Variants in TNIK observed in about 807,000 individuals in gnomAD.
The protein encoded by TNIK is TRAF2 and NCK interacting kinase, also known as TRAF2 and NCK-interacting protein kinase.
Under a neutral mutation model 191.3 loss-of-function variants are expected in TNIK, and 49 were observed. The observed-to-expected ratio is 0.26, with a 90% CI of 0.20 to 0.32. The LOEUF is 0.32. Among genes scored for constraint, TNIK ranks in the 10% least tolerant of loss-of-function variants. The probability of loss-of-function intolerance (pLI) is 1.00; values close to 1 mark genes in which losing one functional copy is unlikely to be tolerated. For missense variants in TNIK, 1,155 were observed against 1,702.3 expected (o/e 0.68, Z 5.66); for synonymous variants, 594 against 600.9 (o/e 0.99, Z 0.17).
At chr3:171,136,305 G>A (rs1186841176) in intron 15 of TNIK, among the ~76,000 whole-genome samples, 1 of 152,186 alleles carries the variant, frequency 6.6e-6, no homozygotes, top group Non-Finnish European at 1.5e-5. Flanking sequence ...AGATGCATGA[G>A]TTCATGCTCT....
At chr3:171,320,769 C>A (rs1026560682) in intron 2 of TNIK, among the ~76,000 whole-genome samples, 5 of 152,202 alleles carry the variant, frequency 3.3e-5, no homozygotes, top group African/African-American at 1.2e-4. Context: ...TCTTAGAAAG[C>A]TTTTGCTGCA....
At position 171,432,205 on chromosome 3, in the gene TNIK, A is replaced by G. The variant is rs544912312; in HGVS notation, c.57+27802T>C. ...AAAGCTGGAGGCAATACAGAACACA[A>G]TCGACTTGTGGAAAATAATACCTAT... is the stretch of plus-strand genomic sequence containing the variant. On this transcript the variant is annotated intron_variant, in intron 1 of 32. Coordinates refer to ENST00000436636, the MANE Select transcript of TNIK (RefSeq NM_015028.4). Among the ~76,000 whole-genome samples, 8 of 152,268 alleles carry G rather than the reference A, an allele frequency of 5.3e-5. 1 individual carries two copies. Among genetic ancestry groups the G allele is most frequent in the East Asian group, 1.9e-4 (1 of 5,182 alleles).
intron 2 of TNIK, among the ~76,000 whole-genome samples, chr3:171,363,925 G>A (rs1715339995): frequency 6.6e-6 from 1 of 152,142 alleles, no homozygotes; most frequent in Admixed American, 6.6e-5. Context: ...ACATCTCAGG[G>A]CAAGATCTTT....
intron 2 of TNIK, among the ~76,000 whole-genome samples, chr3:171,342,164 G>A (rs1359784818): frequency 6.6e-6 from 1 of 152,210 alleles, no homozygotes; most frequent in Admixed American, 6.5e-5. Context: ...TCAAACTTTA[G>A]TGTGCATGGG....
chr3:171,432,820 ACTC>A (rs1311412048), intron 1 of TNIK, among the ~76,000 whole-genome samples: 2 of 152,168 alleles, frequency 1.3e-5, no homozygotes, highest in African/African-American at 4.8e-5. Flanking sequence ...AAAATAAAGA[ACTC>A]AATATAATAG....
intron 1 of TNIK, among the ~76,000 whole-genome samples, chr3:171,457,085 G>C (rs1025214889): frequency 6.6e-6 from 1 of 152,142 alleles, no homozygotes; most frequent in African/African-American, 2.4e-5. Context: ...TCAAGATTTA[G>C]TTTATCTCTG....
At chr3:171,240,857 C>A (rs1045729224) in intron 2 of TNIK, among the ~76,000 whole-genome samples, 2 of 152,074 alleles carry the variant, frequency 1.3e-5, no homozygotes, top group African/African-American at 4.8e-5. Flanking sequence ...ATTTCCTGCT[C>A]TAGGAGGGAA....
chr3:171,176,317 T>C (rs528289095), intron 8 of TNIK, among the ~76,000 whole-genome samples: 1 of 152,198 alleles, frequency 6.6e-6, no homozygotes, highest in Non-Finnish European at 1.5e-5. Context: ...AATTCTAGAC[T>C]GGGAAGTAAG....
chr3:171,376,416 CCT>C (rs1421746066), intron 1 of TNIK, among the ~76,000 whole-genome samples: 2 of 151,998 alleles, frequency 1.3e-5, no homozygotes, highest in Non-Finnish European at 2.9e-5. Context: ...TTATTTAATC[CCT>C]GACTGCTACC....
intron 1 of TNIK, among the ~76,000 whole-genome samples, chr3:171,452,729 AACACACACACAC>A (rs10602125): frequency 0.011 from 1,514 of 142,604 alleles, 17 homozygotes; most frequent in South Asian, 0.028. Flanking sequence ...ACACACTCCA[AACACACACACAC>A]ACACACACAC....
chr3:171,151,356 C>G (rs1021507802), intron 12 of TNIK, among the ~76,000 whole-genome samples: 3 of 152,190 alleles, frequency 2.0e-5, no homozygotes, highest in African/African-American at 7.2e-5. Flanking sequence ...TACCTATTTA[C>G]ATTTATTTTA....
intron 2 of TNIK, among the ~76,000 whole-genome samples, chr3:171,318,184 T>C (rs1350097492): frequency 6.6e-6 from 1 of 152,156 alleles, no homozygotes; most frequent in Non-Finnish European, 1.5e-5. Context: ...GGCCTATAGA[T>C]TGAAATGTCT....
chr3:171,448,641 G>A (rs944740898), intron 1 of TNIK, among the ~76,000 whole-genome samples: 3 of 148,816 alleles, frequency 2.0e-5, no homozygotes, highest in Non-Finnish European at 4.4e-5. Context: ...GAAATTCCTG[G>A]GTCACATGGT....
In TNIK at chr3:171,244,104, G is replaced by T. The variant is rs57909552; in HGVS notation, c.124-15883C>A. 7.7e-3 allele frequency among the ~76,000 whole-genome samples: 1,092 copies of T among 142,700 alleles called. 10 individuals are homozygous for T. The highest frequency in any genetic ancestry group is 0.027 in the African/African-American group (1,054 of 38,626). The allele number at this position is 142,700 out of a possible 152,430, so 93.6% of individuals were successfully genotyped here. ...AAGACAGAGTCTCGCTCTGTCGCCC[G>T]CCGGGGTGGGAATGCAGGCGTGCGA... On this transcript the variant is annotated intron_variant, in intron 2 of 32. Coordinates refer to ENST00000436636, the MANE Select transcript of TNIK (RefSeq NM_015028.4).
At chr3:171,183,199 G>A (rs569939142) in intron 7 of TNIK, among the ~76,000 whole-genome samples, 2 of 152,290 alleles carry the variant, frequency 1.3e-5, no homozygotes, top group African/African-American at 4.8e-5. Flanking sequence ...GAAAACGTGT[G>A]TCCTCCTTCC....
At chr3:171,376,612 AG>A (rs1717254833) in intron 1 of TNIK, among the ~76,000 whole-genome samples, 1 of 152,180 alleles carries the variant, frequency 6.6e-6, no homozygotes, top group Non-Finnish European at 1.5e-5. Context: ...AGGTGCTCCA[AG>A]AGTATTGATC....
chr3:171,140,211 A>G (rs1396763916), intron 13 of TNIK, among the ~76,000 whole-genome samples, 188 bp downstream of exon 13: 1 of 152,246 alleles, frequency 6.6e-6, no homozygotes, highest in Non-Finnish European at 1.5e-5. Flanking sequence ...GTAGAAAGCA[A>G]GGCTGAATAG....
At chr3:171,265,294 C>G (rs1254976555) in intron 2 of TNIK, among the ~76,000 whole-genome samples, 1 of 152,122 alleles carries the variant, frequency 6.6e-6, no homozygotes, top group Non-Finnish European at 1.5e-5. Context: ...AGGAGAAAAT[C>G]TAGAGGAATT....
intron 23 of TNIK, among the ~76,000 whole-genome samples, chr3:171,091,697 T>G (rs972037313): frequency 6.6e-6 from 1 of 151,854 alleles, no homozygotes; most frequent in Admixed American, 6.6e-5. Context: ...ATTGCACCAC[T>G]GCACTCCAGC....
Sources: allele counts gnomAD v4.1 joint callset (sites outside exome capture counted in the v4.1 genomes callset), GRCh38; gene constraint gnomAD v4.1.1; transcripts MANE v1.5; gene names NCBI Gene and HGNC (gene_info 2026-07-23, HGNC 2026-07-21).